Variants in DMTF1 observed in about 807,000 individuals in gnomAD.
The protein encoded by DMTF1 is cyclin D binding myb like transcription factor 1.
In DMTF1, 39 loss-of-function variants were observed where a neutral mutation model predicts 91.1. That is an observed-to-expected ratio of 0.43 (90% CI 0.33 to 0.56). The LOEUF (loss-of-function observed/expected upper bound fraction) is 0.56, where lower values mean the gene tolerates loss of function less well. Ranked by LOEUF, DMTF1 falls within the 20% of genes least tolerant of loss-of-function variation. The pLI is 0.05. For missense variants in DMTF1, 750 were observed against 914.5 expected (o/e 0.82, Z 2.32); for synonymous variants, 338 against 309.5 (o/e 1.09, Z -0.97).
At chr7:87,162,092 A>G (rs1219340832) in intron 1 of DMTF1, among the ~76,000 whole-genome samples, 1 of 152,176 alleles carries the variant, frequency 6.6e-6, no homozygotes, top group African/African-American at 2.4e-5. Flanking sequence ...TTATTGCAGC[A>G]TAAGTTTTAT....
chr7:87,167,460 C>G (rs1250882556), intron 4 of DMTF1, among the ~76,000 whole-genome samples: 2 of 152,216 alleles, frequency 1.3e-5, no homozygotes, highest in African/African-American at 2.4e-5. Context: ...GCTGTTGGCA[C>G]TCTTAGCACA....
chr7:87,188,186 T>C lies in DMTF1; in HGVS notation c.1296T>C (p.Asn432=). ...NKSGSGVPNS[N]TNSSVQHVQI... is the part of the protein sequence containing the mutation. ...CAGGATCTGGAGTTCCAAACAGTAA[T>C]ACCAATTCCAGTGTGCAGCATGTTC... is the stretch of plus-strand genomic sequence containing the variant. The change falls in exon 13 of 18, where the codon AAT becomes AAC. Residue 432 remains asparagine, a synonymous_variant. Transcript: ENST00000331242. 1.2e-6 allele frequency: 2 copies of C among 1,613,994 alleles called. No individual in the cohort carries two copies. The highest frequency in any genetic ancestry group is 1.7e-6 in the Non-Finnish European group (2 of 1,179,916).
chr7:87,179,541 T>C lies in DMTF1; in HGVS notation c.520-4T>C. On this transcript the variant is annotated splice_polypyrimidine_tract_variant and splice_region_variant and intron_variant, in intron 7 of 17. Transcript: ENST00000331242. ...CCTAAATCAAAGAAATGTAACCCATTTAGGCACGCGGAATAAAAGATGCTA... is the reference window on the plus strand; with the variant it reads ...CCTAAATCAAAGAAATGTAACCCATCTAGGCACGCGGAATAAAAGATGCTA... 1 of 1,514,616 alleles carries C rather than the reference T, an allele frequency of 6.6e-7. No individual in the cohort carries two copies. The highest frequency in any genetic ancestry group is 1.7e-4 in the Middle Eastern group (1 of 5,762). The allele number at this position is 1,514,616 out of a possible 1,614,324, so 93.8% of individuals were successfully genotyped here. A position where few individuals can be genotyped will look rare whatever the true frequency, so the allele number is the denominator to read the frequency against.
chr7:87,183,827 A>C (rs911706243), intron 10 of DMTF1, among the ~76,000 whole-genome samples: 2 of 152,190 alleles, frequency 1.3e-5, no homozygotes, highest in Non-Finnish European at 2.9e-5. Flanking sequence ...AATAAAAGTA[A>C]ATACTTGTAT....
At chr7:87,194,327 T>C in intron 16 of DMTF1, 1 of 512,418 alleles carries the variant, frequency 2.0e-6, no homozygotes, top group Non-Finnish European at 3.4e-6. Context: ...CTAAAACTTT[T>C]TCCTCTTTAC....
At position 87,193,185 on chromosome 7, in the gene DMTF1, C is replaced by T; in HGVS notation, c.1495-13C>T. On this transcript the variant is annotated splice_polypyrimidine_tract_variant and intron_variant, in intron 14 of 17. Coordinates refer to ENST00000331242, the MANE Select transcript of DMTF1 (RefSeq NM_001142327.2). The stretch of plus-strand genomic sequence containing the variant: ...CTTAATCATTGTTAAACTATCTTTC[C>T]TTTTTCCTTTAGTCTTTCCATCTAC... The T allele has an allele frequency of 1.2e-6, 2 of 1,612,122 alleles. No homozygotes were observed. The highest frequency in any genetic ancestry group is 1.7e-6 in the Non-Finnish European group (2 of 1,178,950).
At chr7:87,182,380 A>G in intron 10 of DMTF1, 43 bp downstream of exon 10, 1 of 1,595,572 alleles carries the variant, frequency 6.3e-7, no homozygotes, top group African/African-American at 1.3e-5. Context: ...TCACCACTTA[A>G]GCCTCCTGCC....
intron 6 of DMTF1, 68 bp downstream of exon 6, chr7:87,173,717 C>A: frequency 1.1e-6 from 1 of 937,416 alleles, no homozygotes; most frequent in Non-Finnish European, 1.6e-6. Context: ...TTATAGTCAT[C>A]AGGATTCTGA....
intron 14 of DMTF1, among the ~76,000 whole-genome samples, chr7:87,192,036 T>C (rs1799942268): frequency 6.6e-6 from 1 of 152,134 alleles, no homozygotes; most frequent in South Asian, 2.1e-4. Flanking sequence ...GAAATGGGGA[T>C]GTATAAGACA....
At chr7:87,165,116 C>G in intron 3 of DMTF1, 66 bp downstream of exon 3, 1 of 1,170,050 alleles carries the variant, frequency 8.5e-7, no homozygotes, top group African/African-American at 1.5e-5. Context: ...CACTTTTGAC[C>G]CCTATTGCCC....
intron 7 of DMTF1, among the ~76,000 whole-genome samples, chr7:87,176,108 A>G (rs934045945): frequency 6.6e-6 from 1 of 152,106 alleles, no homozygotes; most frequent in South Asian, 2.1e-4. Flanking sequence ...ACTCTTTTCC[A>G]CTCTACACTA....
chr7:87,191,940 G>T (rs745579860), intron 14 of DMTF1, among the ~76,000 whole-genome samples: 4 of 152,092 alleles, frequency 2.6e-5, no homozygotes, highest in Non-Finnish European at 5.9e-5. Flanking sequence ...CCTCTCCCCA[G>T]CCAAATCCCA....
At chr7:87,179,779 A>G (rs1796950891) in intron 8 of DMTF1, 77 bp downstream of exon 8, 2 of 1,321,182 alleles carry the variant, frequency 1.5e-6, no homozygotes, top group African/African-American at 1.5e-5. Flanking sequence ...TTTTTAAACA[A>G]TAGAAATATG....
chr7:87,180,171 C>A (rs1797029168), intron 8 of DMTF1, among the ~76,000 whole-genome samples: 1 of 152,104 alleles, frequency 6.6e-6, no homozygotes, highest in South Asian at 2.1e-4. Context: ...CATTAAGATT[C>A]TTCAAATGCA....
At chr7:87,160,631 T>C (rs1792076809) in intron 1 of DMTF1, among the ~76,000 whole-genome samples, 1 of 152,168 alleles carries the variant, frequency 6.6e-6, no homozygotes, top group Non-Finnish European at 1.5e-5. Context: ...GTAAGGCTTC[T>C]GCCTCTACTA....
At chr7:87,168,170 A>G (rs1170020263) in intron 4 of DMTF1, among the ~76,000 whole-genome samples, 1 of 152,178 alleles carries the variant, frequency 6.6e-6, no homozygotes, top group Non-Finnish European at 1.5e-5. Context: ...GATTGTAAAA[A>G]TCCTCACAGC....
At chr7:87,186,155 G>A (rs1798371361) in intron 12 of DMTF1, 175 bp downstream of exon 12, 1 of 610,706 alleles carries the variant, frequency 1.6e-6, no homozygotes, top group Non-Finnish European at 2.8e-6. Flanking sequence ...AGTTAATACT[G>A]TTTGTAATTC....
chr7:87,195,545 CAT>C lies in DMTF1; in HGVS notation c.*406_*407del, dbSNP rs1801068358. On this transcript the variant is annotated 3_prime_UTR_variant, in exon 18 of 18. Coordinates refer to ENST00000331242, the MANE Select transcript of DMTF1 (RefSeq NM_001142327.2). ...TTGTAGTTCAGATGAGTCTTTTCAA[CAT>C]GGTCTTCAACATGGTCTAGAGCTTA... The C allele has an allele frequency of 2.0e-5, 3 of 151,118 alleles. No homozygotes were observed. In the Admixed American group the frequency reaches 2.0e-4, roughly 10 times the overall value. 9.4% of individuals were successfully genotyped at this position (151,118 alleles called of 1,614,324 possible).
intron 13 of DMTF1, among the ~76,000 whole-genome samples, chr7:87,189,650 C>CTA (rs1220134251): frequency 6.6e-6 from 1 of 152,098 alleles, no homozygotes; most frequent in African/African-American, 2.4e-5. Context: ...AGCATTCTAA[C>CTA]TAAAATCTCT....
Sources: allele counts gnomAD v4.1 joint callset (sites outside exome capture counted in the v4.1 genomes callset), GRCh38; gene constraint gnomAD v4.1.1; transcripts MANE v1.5; gene names NCBI Gene and HGNC (gene_info 2026-07-23, HGNC 2026-07-21).